COX10: variants seen among roughly 807,000 people sequenced by gnomAD.
COX10 encodes protoheme IX farnesyltransferase, mitochondrial.
A neutral mutation model predicts 37.3 loss-of-function variants in COX10; 27 were observed. That is an observed-to-expected ratio of 0.72 (90% CI 0.53 to 1.00). The LOEUF (loss-of-function observed/expected upper bound fraction) is 1.00. Ranked by LOEUF, COX10 falls within the 50% of genes least tolerant of loss-of-function variation. COX10 has a pLI of 0.00. For missense variants in COX10, 475 were observed against 563.2 expected (o/e 0.84, Z 1.59); for synonymous variants, 222 against 229.1 (o/e 0.97, Z 0.28).
rs747203011 is a variant in COX10 at position 14,076,758 on chromosome 17, C to T, written c.201C>T (p.Ser67=). ...AGTATGTCACACAGCTGAACAGAAG[C>T]CACAACCAGCAAGTAAGACCCAAGC... is the stretch of plus-strand genomic sequence containing the variant. The part of the protein sequence containing the change: ...KRMYVTQLNR[S]HNQQVRPKPE... The change falls in exon 3 of 7, where the codon AGC becomes AGT. Residue 67 remains serine, a synonymous_variant. Coordinates refer to ENST00000261643, the MANE Select transcript of COX10 (RefSeq NM_001303.4). 6.2e-7 allele frequency: 1 copy of T among 1,614,114 alleles called. No individual in the cohort carries two copies. The highest frequency in any genetic ancestry group is 8.5e-7 in the Non-Finnish European group (1 of 1,180,012).
At chr17:14,106,839 T>G (rs1238889288) in intron 4 of COX10, among the ~76,000 whole-genome samples, 2 of 152,202 alleles carry the variant, frequency 1.3e-5, no homozygotes, top group Non-Finnish European at 2.9e-5. Flanking sequence ...CTTGCCTTTG[T>G]CTAAGGGCTA....
intron 3 of COX10, among the ~76,000 whole-genome samples, chr17:14,082,383 G>A (rs770797920): frequency 6.6e-6 from 1 of 152,148 alleles, no homozygotes; most frequent in Non-Finnish European, 1.5e-5. Context: ...AGTGTTGACT[G>A]GTTGCTAAAT....
chr17:14,139,094 CTT>C (rs965773979), intron 4 of COX10, among the ~76,000 whole-genome samples: 98 of 152,306 alleles, frequency 6.4e-4, no homozygotes, highest in African/African-American at 2.2e-3. Context: ...CACAAAAGAA[CTT>C]AGCCCAGGCT....
intron 5 of COX10, chr17:14,179,365 T>G: frequency 4.7e-6 from 1 of 212,646 alleles, no homozygotes; most frequent in Non-Finnish European, 8.1e-6. Flanking sequence ...AGGCCTACTG[T>G]TTCTTTTAAA....
chr17:14,090,859 A>G (rs2142192519), intron 3 of COX10, among the ~76,000 whole-genome samples: 1 of 152,266 alleles, frequency 6.6e-6, no homozygotes, highest in Middle Eastern at 3.4e-3. Context: ...TGAAAGCCCC[A>G]AGAGGGCCGG....
At chr17:14,071,378 A>C (rs1168014246) in intron 1 of COX10, among the ~76,000 whole-genome samples, 8 of 152,156 alleles carry the variant, frequency 5.3e-5, no homozygotes, top group Non-Finnish European at 2.9e-5. Context: ...TACTCCCTGA[A>C]GCTGTGAACA....
intron 4 of COX10, among the ~76,000 whole-genome samples, chr17:14,142,596 C>T (rs542267398): frequency 2.0e-5 from 3 of 152,112 alleles, no homozygotes; most frequent in Non-Finnish European, 4.4e-5. Context: ...AAAAATAAAG[C>T]ACCATTGAAA....
At chr17:14,071,730 C>CAAAAAA (rs57780115) in intron 1 of COX10, among the ~76,000 whole-genome samples, 1 of 113,260 alleles carries the variant, frequency 8.8e-6, no homozygotes. Context: ...CTAAAAATAC[C>CAAAAAA]AAAAAAAAAA....
intron 4 of COX10, among the ~76,000 whole-genome samples, chr17:14,151,910 G>A (rs72816669): frequency 0.053 from 8,029 of 152,174 alleles, 272 homozygotes; most frequent in African/African-American, 0.084. Flanking sequence ...CAGTCTGCAG[G>A]TATGTTTATT....
chr17:14,076,291 A>T (rs1362916287), intron 2 of COX10, among the ~76,000 whole-genome samples: 2 of 151,458 alleles, frequency 1.3e-5, no homozygotes, highest in Non-Finnish European at 2.9e-5. Context: ...TTTTGTAGAG[A>T]CATTCCCTAT....
chr17:14,149,124 C>T (rs1292715920), intron 4 of COX10, among the ~76,000 whole-genome samples: 1 of 151,310 alleles, frequency 6.6e-6, no homozygotes, highest in Admixed American at 6.6e-5. Flanking sequence ...TTGGTATAAT[C>T]ATGCCCTAGA....
At chr17:14,123,268 A>G (rs1160323655) in intron 4 of COX10, among the ~76,000 whole-genome samples, 1 of 152,196 alleles carries the variant, frequency 6.6e-6, no homozygotes, top group Admixed American at 6.5e-5. Context: ...CTACCAGCTC[A>G]TGCAGTAAAC....
intron 3 of COX10, among the ~76,000 whole-genome samples, chr17:14,086,198 G>A (rs902150604): frequency 1.3e-5 from 2 of 151,982 alleles, no homozygotes; most frequent in African/African-American, 4.8e-5. Flanking sequence ...TTTCTTATGA[G>A]TTTCTGGTTT....
chr17:14,075,083 T>C (rs1436859635), intron 2 of COX10, among the ~76,000 whole-genome samples: 1 of 152,206 alleles, frequency 6.6e-6, no homozygotes, highest in Admixed American at 6.5e-5. Flanking sequence ...TGAAAACTCA[T>C]AGTGCCAGCC....
intron 6 of COX10, among the ~76,000 whole-genome samples, chr17:14,194,495 C>T (rs1370476346): frequency 6.6e-6 from 1 of 152,142 alleles, no homozygotes; most frequent in Non-Finnish European, 1.5e-5. Flanking sequence ...GGTGCGATCT[C>T]GGCTCACTGC....
intron 4 of COX10, among the ~76,000 whole-genome samples, chr17:14,104,348 A>T (rs1485617065): frequency 6.6e-6 from 1 of 152,166 alleles, no homozygotes; most frequent in Non-Finnish European, 1.5e-5. Context: ...AATCTTATAC[A>T]TTTAAAATAA....
chr17:14,147,104 T>TA (rs1308825443), intron 4 of COX10, among the ~76,000 whole-genome samples: 2 of 152,060 alleles, frequency 1.3e-5, no homozygotes, highest in African/African-American at 4.8e-5. Context: ...CTCAAAAAAC[T>TA]AACAATAGAG....
chr17:14,095,070 A>C (rs1176695557), intron 3 of COX10, among the ~76,000 whole-genome samples: 2 of 152,188 alleles, frequency 1.3e-5, no homozygotes, highest in Non-Finnish European at 2.9e-5. Context: ...TATTTCACGG[A>C]AGTTGATTCT....
In COX10 at chr17:14,069,555, T is replaced by G; in HGVS notation, c.-51T>G. 1.9e-6 allele frequency: 3 copies of G among 1,608,590 alleles called. No homozygotes were observed. The highest frequency in any genetic ancestry group is 1.1e-5 in the South Asian group (1 of 90,620). On this transcript the variant is annotated 5_prime_UTR_variant, in exon 1 of 7. An upstream open reading frame in the 5' UTR loses its in-frame stop. Coordinates refer to ENST00000261643, the MANE Select transcript of COX10 (RefSeq NM_001303.4). ...GAAGATGGCGGCGCCCAGCGTCCCG[T>G]GAGGAGAGAGGACACAGGGATCCCG...
Sources: allele counts gnomAD v4.1 joint callset (sites outside exome capture counted in the v4.1 genomes callset), GRCh38; gene constraint gnomAD v4.1.1; transcripts MANE v1.5; gene names NCBI Gene and HGNC (gene_info 2026-07-23, HGNC 2026-07-21).